The following LRRC49 variants were observed in gnomAD, a reference collection of about 807,000 sequenced individuals.
LRRC49 encodes the protein leucine rich repeat containing 49.
LRRC49 carries 50 observed loss-of-function variants against 83.3 expected under a neutral mutation model. The ratio of observed to expected loss-of-function variants is 0.60; its 90% CI spans 0.48 to 0.76. LRRC49 has a LOEUF of 0.76. LRRC49 is among the 30% of genes least tolerant of loss of function. The probability of loss-of-function intolerance (pLI) is 0.00; values close to 1 mark genes in which losing one functional copy is unlikely to be tolerated. For synonymous variants in LRRC49, 286 were observed against 283.3 expected (o/e 1.01, Z -0.10); for missense variants, 704 against 809.1 (o/e 0.87, Z 1.58).
chr15:70,883,827 T>A, intron 2 of LRRC49, among the ~76,000 whole-genome samples: 1 of 151,846 alleles, frequency 6.6e-6, no homozygotes, highest in Admixed American at 6.6e-5. Context: ...GCTAATTTTT[T>A]GTATTTTTAG....
intron 9 of LRRC49, among the ~76,000 whole-genome samples, chr15:70,969,996 G>A (rs868639138): frequency 5.9e-5 from 9 of 151,974 alleles, no homozygotes; most frequent in Admixed American, 2.6e-4. Flanking sequence ...TGCCCTGGCC[G>A]GAACTTCCAA....
intron 11 of LRRC49, among the ~76,000 whole-genome samples, chr15:70,992,264 A>T (rs1487292649): frequency 6.6e-6 from 1 of 152,150 alleles, no homozygotes; most frequent in Non-Finnish European, 1.5e-5. Context: ...AACTTCCTCC[A>T]TTAGCTCGGA....
At chr15:70,953,672 A>G (rs1413749486) in intron 8 of LRRC49, among the ~76,000 whole-genome samples, 1 of 152,142 alleles carries the variant, frequency 6.6e-6, no homozygotes, top group Non-Finnish European at 1.5e-5. Context: ...CTCTCAAGCA[A>G]GATTGGGAAA....
At chr15:70,891,830 T>C (rs2033585041), upstream of LRRC49, 2 of 1,547,566 alleles carry the variant, frequency 1.3e-6, no homozygotes, top group African/African-American at 1.4e-5. Flanking sequence ...CAACCTTCGG[T>C]GGTCTCTCTT....
intron 9 of LRRC49, among the ~76,000 whole-genome samples, chr15:70,977,069 T>C (rs938546137): frequency 2.0e-5 from 3 of 152,208 alleles, no homozygotes; most frequent in African/African-American, 7.2e-5. Flanking sequence ...ATCCATACAG[T>C]TTCCAGTACT....
intron 8 of LRRC49, among the ~76,000 whole-genome samples, chr15:70,959,039 ATAAAG>A (rs1237239390): frequency 6.6e-6 from 1 of 151,968 alleles, no homozygotes; most frequent in Admixed American, 6.6e-5. Context: ...GCCTGAATAA[ATAAAG>A]TATTTATAGT....
intron 12 of LRRC49, 97 bp downstream of exon 12, chr15:71,008,713 C>A: frequency 1.3e-6 from 1 of 791,086 alleles, no homozygotes; most frequent in Non-Finnish European, 2.0e-6. Context: ...TATGTAGTTT[C>A]TATCTGGCAG....
chr15:70,998,532 T>G (rs2038150931), intron 11 of LRRC49, among the ~76,000 whole-genome samples: 1 of 152,140 alleles, frequency 6.6e-6, no homozygotes, highest in African/African-American at 2.4e-5. Flanking sequence ...TGATTTCTGA[T>G]GAGAAATCAG....
rs544274358 is a variant in LRRC49, at chr15:71,037,315, T to C, written c.1840T>C (p.Tyr614His). 1 of 1,598,626 alleles carries C rather than the reference T, an allele frequency of 6.3e-7. No individual in the cohort carries two copies. The highest frequency in any genetic ancestry group is 8.5e-7 in the Non-Finnish European group (1 of 1,173,908). ...ATLNYTTRDF[Y>H]NEKLEEIKEK... ...ATTAAATTATACTACAAGAGACTTT[T>C]ATAATGAAAAGCTAGAGGTAAAACT... Residue 614 changes from tyrosine to histidine, a missense_variant, in exon 15 of 16, where the codon TAT becomes CAT. Around this residue, in one of 3 missense-constraint regions of LRRC49, gnomAD observed 275 missense variants for 338.0 expected, o/e 0.81. Transcript: ENST00000260382.
At chr15:71,011,177 G>T (rs750399841) in intron 13 of LRRC49, among the ~76,000 whole-genome samples, 4 of 152,008 alleles carry the variant, frequency 2.6e-5, no homozygotes, top group Non-Finnish European at 5.9e-5. Context: ...ATACTATTTG[G>T]TACTTCCCCC....
chr15:70,965,689 A>G (rs766239134), intron 9 of LRRC49, among the ~76,000 whole-genome samples: 2 of 152,024 alleles, frequency 1.3e-5, no homozygotes, highest in Non-Finnish European at 2.9e-5. Context: ...GTCTTACAAC[A>G]TGTTCTTCAT....
At chr15:70,916,584 C>T (rs774203112) in intron 6 of LRRC49, among the ~76,000 whole-genome samples, 2 of 152,162 alleles carry the variant, frequency 1.3e-5, no homozygotes, top group Admixed American at 6.5e-5. Flanking sequence ...TGTGAGCTAC[C>T]GCGCCTGGCC....
intron 11 of LRRC49, among the ~76,000 whole-genome samples, chr15:71,007,174 A>G (rs2038486763): frequency 6.6e-6 from 1 of 152,008 alleles, no homozygotes; most frequent in South Asian, 2.1e-4. Flanking sequence ...TACCTCTGAA[A>G]TAAGTATGAT....
At chr15:71,032,696 G>A (rs554924113) in intron 14 of LRRC49, among the ~76,000 whole-genome samples, 3 of 152,120 alleles carry the variant, frequency 2.0e-5, no homozygotes, top group Admixed American at 6.5e-5. Flanking sequence ...GGGATGCAAG[G>A]TTGGTTCAAC....
chr15:70,871,714 G>A (rs1432377805), intron 1 of LRRC49, among the ~76,000 whole-genome samples: 1 of 150,170 alleles, frequency 6.7e-6, no homozygotes, highest in Non-Finnish European at 1.5e-5. Flanking sequence ...TCACCTCCCA[G>A]ACGGGGTGGT....
chr15:71,007,709 G>GTATATATATATATATATATATATATA (rs55946096), intron 11 of LRRC49, among the ~76,000 whole-genome samples: 10 of 137,702 alleles, frequency 7.3e-5, no homozygotes, highest in African/African-American at 2.7e-4. Flanking sequence ...TGAGAAGCAT[G>GTATATATATATATATATATATATATA]TATATATATA....
intron 2 of LRRC49, among the ~76,000 whole-genome samples, chr15:70,874,783 A>G (rs116915077): frequency 0.011 from 1,741 of 152,364 alleles, 20 homozygotes; most frequent in South Asian, 0.023. Context: ...AAGCATTGGA[A>G]CAAGTACTGA....
intron 6 of LRRC49, among the ~76,000 whole-genome samples, chr15:70,916,441 C>T (rs888930544): frequency 2.6e-5 from 4 of 152,110 alleles, no homozygotes; most frequent in Admixed American, 1.3e-4. Context: ...ATTACAGGCC[C>T]ATGCCACCAC....
intron 9 of LRRC49, among the ~76,000 whole-genome samples, chr15:70,976,584 T>A (rs1198766029): frequency 1.3e-5 from 2 of 152,206 alleles, no homozygotes; most frequent in East Asian, 3.9e-4. Flanking sequence ...ATCAAACACC[T>A]ATTAAATCAC....
Sources: allele counts gnomAD v4.1 joint callset (sites outside exome capture counted in the v4.1 genomes callset), GRCh38; gene constraint gnomAD v4.1.1; regional missense constraint gnomAD v4.1.1; transcripts MANE v1.5; gene names NCBI Gene and HGNC (gene_info 2026-07-23, HGNC 2026-07-21).